The following ELMO1 variants were observed in gnomAD, a reference collection of about 807,000 sequenced individuals.
The protein encoded by ELMO1 is engulfment and cell motility protein 1.
A neutral mutation model predicts 98.9 loss-of-function variants in ELMO1; 26 were observed. The ratio of observed to expected loss-of-function variants is 0.26; its 90% CI spans 0.19 to 0.36. ELMO1 has a LOEUF of 0.36. Among genes scored for constraint, ELMO1 ranks in the 10% least tolerant of loss-of-function variants. The pLI is 1.00. For missense variants in ELMO1, 627 were observed against 935.2 expected, an observed-to-expected ratio of 0.67 and a Z score of 4.30; for synonymous variants, 346 against 346.0, an observed-to-expected ratio of 1.00 and a Z score of 0.00.
chr7:37,133,411 C>G (rs1453371945), intron 13 of ELMO1, among the ~76,000 whole-genome samples, 177 bp from the exon 14 acceptor site: 3 of 152,160 alleles, frequency 2.0e-5, no homozygotes, highest in African/African-American at 7.2e-5. Flanking sequence ...GGACTTCTTT[C>G]TACTGCTCCT....
chr7:37,201,904 AG>A (rs1792320181), intron 13 of ELMO1, among the ~76,000 whole-genome samples: 1 of 152,232 alleles, frequency 6.6e-6, no homozygotes, highest in South Asian at 2.1e-4. Context: ...CAAAGTGTCA[AG>A]GAGGCTGACA....
chr7:37,442,274 G>C (rs1805442948), intron 1 of ELMO1, among the ~76,000 whole-genome samples: 1 of 152,184 alleles, frequency 6.6e-6, no homozygotes, highest in Non-Finnish European at 1.5e-5. Context: ...CAGCCTACAA[G>C]TAGAAAAAGA....
chr7:36,941,228 A>C (rs188243283), intron 16 of ELMO1, among the ~76,000 whole-genome samples: 1 of 152,358 alleles, frequency 6.6e-6, no homozygotes, highest in African/African-American at 2.4e-5. Context: ...CACTTACTAT[A>C]AGGTATATTC....
intron 13 of ELMO1, among the ~76,000 whole-genome samples, chr7:37,149,663 C>A: frequency 6.6e-6 from 1 of 152,086 alleles, no homozygotes; most frequent in Non-Finnish European, 1.5e-5. Context: ...ATATGGCTCA[C>A]AAAACTTAAA....
At chr7:37,207,683 T>C (rs1212515268) in intron 13 of ELMO1, among the ~76,000 whole-genome samples, 5 of 150,964 alleles carry the variant, frequency 3.3e-5, no homozygotes, top group African/African-American at 1.2e-4. Context: ...TGCCTCATGC[T>C]TGTAATCCCA....
At chr7:37,197,885 G>A (rs929464326) in intron 13 of ELMO1, among the ~76,000 whole-genome samples, 16 of 152,188 alleles carry the variant, frequency 1.1e-4, no homozygotes, top group African/African-American at 3.6e-4. Context: ...GCCAGACTCT[G>A]GTGGTCCTCT....
chr7:37,169,909 T>TC (rs1264633723), intron 13 of ELMO1, among the ~76,000 whole-genome samples: 1 of 152,160 alleles, frequency 6.6e-6, no homozygotes, highest in Non-Finnish European at 1.5e-5. Context: ...AATGCACATT[T>TC]CTTTTTTTTT....
chr7:37,233,975 G>T (rs1378045307), intron 7 of ELMO1, among the ~76,000 whole-genome samples: 1 of 152,204 alleles, frequency 6.6e-6, no homozygotes, highest in East Asian at 1.9e-4. Flanking sequence ...GGCAAATGCA[G>T]TTCCACCTAG....
At chr7:37,128,171 CA>C (rs1412958205) in intron 14 of ELMO1, among the ~76,000 whole-genome samples, 2 of 151,952 alleles carry the variant, frequency 1.3e-5, no homozygotes, top group Admixed American at 6.6e-5. Flanking sequence ...GCAGCCTGGG[CA>C]AAAGAGTGAG....
intron 13 of ELMO1, among the ~76,000 whole-genome samples, chr7:37,208,054 C>T (rs536786329): frequency 6.6e-6 from 1 of 152,348 alleles, no homozygotes; most frequent in South Asian, 2.1e-4. Flanking sequence ...TTTTAATAAA[C>T]TGTTCTTCTT....
At chr7:37,231,700 A>G (rs1267675001) in intron 8 of ELMO1, among the ~76,000 whole-genome samples, 2 of 152,164 alleles carry the variant, frequency 1.3e-5, no homozygotes, top group Non-Finnish European at 2.9e-5. Context: ...CAGATCCTTA[A>G]CCAGAGAAAG....
chr7:37,416,564 T>C (rs1419734327), intron 1 of ELMO1, among the ~76,000 whole-genome samples: 2 of 152,148 alleles, frequency 1.3e-5, no homozygotes, highest in Non-Finnish European at 2.9e-5. Flanking sequence ...ATGCATAATC[T>C]CCATTTCTTA....
chr7:37,227,413 T>C (rs1793930195), intron 8 of ELMO1, among the ~76,000 whole-genome samples: 1 of 152,220 alleles, frequency 6.6e-6, no homozygotes, highest in African/African-American at 2.4e-5. Context: ...TGAGACGGAA[T>C]CTTGCTCTGT....
In ELMO1 at chr7:37,150,194, G is replaced by A. The variant is rs566140062; in HGVS notation, c.1087-16960C>T. Among the ~76,000 whole-genome samples the A allele has an allele frequency of 7.2e-5, 11 of 152,122 alleles. No individual in the cohort carries two copies. The South Asian group carries it at 2.3e-3, about 32-fold the overall frequency. Reference sequence around the variant, plus strand: ...ATCTGAGCCATGGCTGGTAAACATAGCTTACCTCCCTTCAATATACTTCTT... The same window carrying A: ...ATCTGAGCCATGGCTGGTAAACATAACTTACCTCCCTTCAATATACTTCTT... On this transcript the variant is annotated intron_variant, in intron 13 of 21. Coordinates refer to ENST00000310758, the MANE Select transcript of ELMO1 (RefSeq NM_014800.11).
intron 1 of ELMO1, among the ~76,000 whole-genome samples, chr7:37,401,381 T>A (rs1018443713): frequency 6.6e-6 from 1 of 152,174 alleles, no homozygotes; most frequent in Non-Finnish European, 1.5e-5. Context: ...ACCCCTTTTC[T>A]CCTAAAGCAG....
rs59394262 is a variant in ELMO1 at position 37,403,496 on chromosome 7, T to C, written c.-74+45179A>G. Among the ~76,000 whole-genome samples, 976 of 152,284 alleles carry C rather than the reference T, an allele frequency of 6.4e-3. 6 individuals are homozygous for C. The highest frequency in any genetic ancestry group is 0.022 in the African/African-American group (934 of 41,552). ...TTTTTAAGGCAGTGAAATTATTCTG[T>C]ATGATATTGTAACAGTAGCTACATG... is the stretch of plus-strand genomic sequence containing the variant. On this transcript the variant is annotated intron_variant, in intron 1 of 21. Transcript: ENST00000310758.
chr7:37,095,915 G>C (rs1026728150), intron 15 of ELMO1, among the ~76,000 whole-genome samples: 11 of 152,202 alleles, frequency 7.2e-5, no homozygotes, highest in African/African-American at 2.7e-4. Flanking sequence ...ATGTTGGATG[G>C]AATGGAAGTA....
At chr7:37,096,309 C>A (rs1584636409) in intron 15 of ELMO1, among the ~76,000 whole-genome samples, 1 of 151,196 alleles carries the variant, frequency 6.6e-6, no homozygotes, top group East Asian at 1.9e-4. Context: ...AAAAAGAAAT[C>A]CATAGATTTT....
intron 11 of ELMO1, among the ~76,000 whole-genome samples, chr7:37,214,014 G>A (rs1304804845): frequency 7.9e-5 from 12 of 152,160 alleles, no homozygotes; most frequent in Non-Finnish European, 1.5e-5. Flanking sequence ...GCAAATGCTC[G>A]TGAATTACTT....
Sources: allele counts gnomAD v4.1 joint callset (sites outside exome capture counted in the v4.1 genomes callset), GRCh38; gene constraint gnomAD v4.1.1; transcripts MANE v1.5; gene names NCBI Gene and HGNC (gene_info 2026-07-23, HGNC 2026-07-21).